Variants in LGR6 observed in about 807,000 individuals in gnomAD.
The protein encoded by LGR6 is leucine-rich repeat-containing G protein-coupled receptor 6.
LGR6 carries 45 observed loss-of-function variants against 69.4 expected under a neutral mutation model. That is an observed-to-expected ratio of 0.65 (90% CI 0.51 to 0.83). LGR6 has a LOEUF of 0.83. Among genes scored for constraint, LGR6 ranks in the 40% least tolerant of loss-of-function variants. The pLI is 0.00. For missense variants in LGR6, 1,108 were observed against 1,246.7 expected (o/e 0.89, Z 1.68); for synonymous variants, 538 against 555.0 (o/e 0.97, Z 0.43).
At position 202,232,560 on chromosome 1, in the gene LGR6, A is replaced by G. The variant is rs539469931; in HGVS notation, c.357-3362A>G. Among the ~76,000 whole-genome samples, 4 of 152,228 alleles carry G rather than the reference A, an allele frequency of 2.6e-5. No homozygotes were observed. The South Asian group carries it at 8.3e-4, about 32-fold the overall frequency. ...TCCCAGAGGTCAGGTGCAGTGGTTC[A>G]TGCCTGTAATCCCAGGGCTGTGGAG... On this transcript the variant is annotated intron_variant, in intron 3 of 17. Transcript: ENST00000367278.
At chr1:202,214,265 C>T (rs368227880) in intron 1 of LGR6, 25 of 1,515,988 alleles carry the variant, frequency 1.6e-5, no homozygotes, top group Non-Finnish European at 5.3e-6. Flanking sequence ...GTGCCGAGCT[C>T]CGGAAAGTTC....
Position 202,309,153 on chromosome 1 carries a change from C to T in LGR6, c.1383C>T (p.Ser461=), listed in dbSNP as rs1234713792. The T allele has an allele frequency of 1.2e-6, 2 of 1,614,136 alleles. No individual in the cohort carries two copies. Among genetic ancestry groups the T allele is most frequent in the Non-Finnish European group, 1.7e-6 (2 of 1,179,980 alleles). Residue 461 remains serine, a synonymous_variant, in exon 15 of 18, where the codon TCC becomes TCT. Coordinates refer to ENST00000367278, the MANE Select transcript of LGR6 (RefSeq NM_001017403.2). ...KGNLALSQAF[S]KDSFPKLRIL... ...ACCTTGCTCTCTCCCAGGCCTTCTC[C>T]AAGGACAGTTTCCCAAAACTGAGGT...
In LGR6 at chr1:202,245,397, G is replaced by C. The variant is rs566244778; in HGVS notation, c.428+9404G>C. 4.6e-5 allele frequency among the ~76,000 whole-genome samples: 7 copies of C among 152,260 alleles called. No individual in the cohort carries two copies. The East Asian group carries it at 9.6e-4, about 21-fold the overall frequency. On this transcript the variant is annotated intron_variant, in intron 4 of 17. Transcript: ENST00000367278. ...GATGCTAGGAGAGTGTTCGTGGTGG[G>C]CTGGGCCAGGGGATCAGGGGTGATT...
At chr1:202,218,581 C>CA (rs1431188065) in intron 1 of LGR6, among the ~76,000 whole-genome samples, 2 of 152,258 alleles carry the variant, frequency 1.3e-5, no homozygotes, top group East Asian at 1.9e-4. Context: ...GCCAGGGAAG[C>CA]AAAAAGCTCT....
chr1:202,200,218 G>A (rs186471668), intron 1 of LGR6, among the ~76,000 whole-genome samples: 63 of 152,358 alleles, frequency 4.1e-4, no homozygotes, highest in Non-Finnish European at 7.2e-4. Context: ...TAAGCCTGCC[G>A]CCTGGTGGGA....
chr1:202,299,426 G>A (rs920537310), intron 7 of LGR6, among the ~76,000 whole-genome samples: 4 of 152,144 alleles, frequency 2.6e-5, no homozygotes, highest in East Asian at 1.9e-4. Context: ...GCATTGAGCC[G>A]GGAAATAATA....
intron 6 of LGR6, among the ~76,000 whole-genome samples, chr1:202,293,902 G>C (rs542754468): frequency 2.6e-5 from 4 of 152,278 alleles, no homozygotes; most frequent in African/African-American, 9.6e-5. Context: ...CAAAATTCCT[G>C]ACCAGAAACT....
intron 1 of LGR6, among the ~76,000 whole-genome samples, chr1:202,215,868 A>C (rs1360084192): frequency 6.6e-6 from 1 of 152,246 alleles, no homozygotes; most frequent in Non-Finnish European, 1.5e-5. Context: ...GTTTTAATCG[A>C]GCACAGGATC....
intron 6 of LGR6, among the ~76,000 whole-genome samples, chr1:202,295,833 A>G (rs1233493056): frequency 6.6e-6 from 1 of 151,562 alleles, no homozygotes; most frequent in Non-Finnish European, 1.5e-5. Flanking sequence ...GTAATTACCC[A>G]AGATCACCAG....
At position 202,225,411 on chromosome 1, in the gene LGR6, T is replaced by A. The variant is rs370231481; in HGVS notation, c.213-12T>A. 1.2e-4 allele frequency: 197 copies of A among 1,612,988 alleles called. No homozygotes were observed. The highest frequency in any genetic ancestry group is 1.6e-4 in the Non-Finnish European group (194 of 1,179,230). On this transcript the variant is annotated splice_polypyrimidine_tract_variant and intron_variant, in intron 1 of 17. Coordinates refer to ENST00000367278, the MANE Select transcript of LGR6 (RefSeq NM_001017403.2). ...GAGTTCACAGCTCCTTTTTCCATCT[T>A]CTCTCCACCAGGGACCTCAGCATGA...
In LGR6 at chr1:202,318,470, C is replaced by T. The variant is rs748597333; in HGVS notation, c.2167C>T (p.Pro723Ser). 1 of 1,613,666 alleles carries T rather than the reference C, an allele frequency of 6.2e-7. No homozygotes were observed. Residue 723 changes from proline to serine, a missense_variant, in exon 18 of 18, where the codon CCT (proline) becomes TCT (serine). Physicochemically the swap from Pro to Ser is moderately conservative, Grantham distance 74. Coordinates refer to ENST00000367278, the MANE Select transcript of LGR6 (RefSeq NM_001017403.2). Reference protein sequence around the residue: ...ASPLCLPYAPPEGQPAALGFT... With the variant: ...ASPLCLPYAPSEGQPAALGFT... ...CCCACTCTGCCTGCCCTACGCGCCA[C>T]CTGAGGGTCAGCCAGCAGCCCTGGG...
chr1:202,239,344 G>GTGTGT (rs370248244), intron 4 of LGR6, among the ~76,000 whole-genome samples: 1 of 144,156 alleles, frequency 6.9e-6, no homozygotes, highest in Admixed American at 7.0e-5. Context: ...GTGTGTGTGT[G>GTGTGT]GTGTGTGTGT....
chr1:202,217,448 C>T (rs563369830), intron 1 of LGR6, among the ~76,000 whole-genome samples: 1 of 143,294 alleles, frequency 7.0e-6, no homozygotes, highest in Non-Finnish European at 1.6e-5. Flanking sequence ...TCAGGGCAAA[C>T]AAAACAAAAC....
Position 202,236,057 on chromosome 1 carries a change from GC to G in LGR6, c.428+69del, listed in dbSNP as rs372854653. ...CCTGGGGCCTGAGTCACAGCCCAGG[GC>G]CCCCTGCCTCAGCTTTCCCTTCCCT... is the stretch of plus-strand genomic sequence containing the variant. On this transcript the variant is annotated intron_variant, in intron 4 of 17. Coordinates refer to ENST00000367278, the MANE Select transcript of LGR6 (RefSeq NM_001017403.2). 391 of 1,384,912 alleles carry G rather than the reference GC, an allele frequency of 2.8e-4. 5 individuals carry two copies. In the East Asian group the frequency reaches 5.7e-3, roughly 20 times the overall value. The allele number at this position is 1,384,912 out of a possible 1,614,324, so 85.8% of individuals were successfully genotyped here. A position where few individuals can be genotyped will look rare whatever the true frequency, so the allele number is the denominator to read the frequency against.
intron 6 of LGR6, among the ~76,000 whole-genome samples, chr1:202,285,972 A>G (rs1228495184): frequency 6.6e-6 from 1 of 152,186 alleles, no homozygotes; most frequent in Non-Finnish European, 1.5e-5. Context: ...TTGTAGACCC[A>G]TCACTCCAAT....
At chr1:202,297,699 G>GT in intron 7 of LGR6, 123 bp downstream of exon 7, 1 of 723,680 alleles carries the variant, frequency 1.4e-6, no homozygotes, top group Admixed American at 2.9e-5. Flanking sequence ...AGATGTAGCT[G>GT]TCCCCCACCC....
At chr1:202,298,916 G>A (rs974918167) in intron 7 of LGR6, among the ~76,000 whole-genome samples, 2 of 151,918 alleles carry the variant, frequency 1.3e-5, no homozygotes, top group African/African-American at 2.4e-5. Flanking sequence ...AAGTTTGAAG[G>A]TGTGAATGCC....
intron 6 of LGR6, among the ~76,000 whole-genome samples, chr1:202,285,142 A>T (rs1666304318): frequency 6.6e-6 from 1 of 152,240 alleles, no homozygotes; most frequent in African/African-American, 2.4e-5. Context: ...CTGGTGATGG[A>T]TGCTCTGGTG....
In LGR6 at chr1:202,319,460, T is replaced by C; in HGVS notation, c.*253T>C. The C allele has an allele frequency of 4.3e-6, 2 of 460,928 alleles. No individual in the cohort carries two copies. Among genetic ancestry groups the C allele is most frequent in the South Asian group, 8.6e-5 (2 of 23,294 alleles). 28.6% of individuals were successfully genotyped at this position (460,928 alleles called of 1,614,324 possible). On this transcript the variant is annotated 3_prime_UTR_variant, in exon 18 of 18. Transcript: ENST00000367278. ...CTCTTCCTTGTCATGTCTGAAGCTG[T>C]GGACCAGAGACCTGGACTTTTGTCT...
Sources: allele counts gnomAD v4.1 joint callset (sites outside exome capture counted in the v4.1 genomes callset), GRCh38; gene constraint gnomAD v4.1.1; transcripts MANE v1.5; gene names NCBI Gene and HGNC (gene_info 2026-07-23, HGNC 2026-07-21).